HS6ST3: variants seen among roughly 807,000 people sequenced by gnomAD.
HS6ST3 encodes the protein heparan sulfate 6-O-sulfotransferase 3, also known as heparan-sulfate 6-O-sulfotransferase 3.
A neutral mutation model predicts 36.7 loss-of-function variants in HS6ST3; 12 were observed. That is an observed-to-expected ratio of 0.33 (90% CI 0.21 to 0.53). The LOEUF is 0.53. Ranked by LOEUF, HS6ST3 falls within the 20% of genes least tolerant of loss-of-function variation. The pLI, the probability that HS6ST3 is intolerant of heterozygous loss-of-function variation, is 0.95. For synonymous variants in HS6ST3, 240 were observed against 257.5 expected (o/e 0.93, Z 0.65); for missense variants, 584 against 640.9 (o/e 0.91, Z 0.96).
intron 1 of HS6ST3, among the ~76,000 whole-genome samples, chr13:96,290,884 C>T (rs1409875087): frequency 6.6e-6 from 1 of 152,184 alleles, no homozygotes; most frequent in Non-Finnish European, 1.5e-5. Context: ...CCACAACTGA[C>T]CTCTTCACTG....
intron 1 of HS6ST3, among the ~76,000 whole-genome samples, chr13:96,134,981 A>T (rs1268690127): frequency 6.6e-6 from 1 of 152,208 alleles, no homozygotes; most frequent in Admixed American, 6.5e-5. Context: ...TGTCTGACAC[A>T]GTCATTGGGA....
chr13:96,696,947 G>A (rs1875144804), intron 1 of HS6ST3, among the ~76,000 whole-genome samples: 1 of 151,944 alleles, frequency 6.6e-6, no homozygotes, highest in Non-Finnish European at 1.5e-5. Flanking sequence ...AAATATAAAT[G>A]GGCAATCAGA....
At chr13:96,829,040 T>C (rs909705589) in intron 1 of HS6ST3, among the ~76,000 whole-genome samples, 3 of 152,200 alleles carry the variant, frequency 2.0e-5, no homozygotes, top group African/African-American at 7.2e-5. Context: ...ATTTAGCTTC[T>C]CTACTGAGCT....
At chr13:96,559,109 TC>T (rs2056252232) in intron 1 of HS6ST3, among the ~76,000 whole-genome samples, 2 of 150,706 alleles carry the variant, frequency 1.3e-5, no homozygotes, top group African/African-American at 4.9e-5. Flanking sequence ...TATCTATCTA[TC>T]TATCTATCTA....
intron 1 of HS6ST3, among the ~76,000 whole-genome samples, chr13:96,755,136 T>G (rs1876792831): frequency 6.7e-6 from 1 of 149,928 alleles, no homozygotes; most frequent in Admixed American, 6.6e-5. Context: ...CCCCAGAAAG[T>G]TTTTTTTTGT....
chr13:96,303,606 A>G (rs1405509416), intron 1 of HS6ST3, among the ~76,000 whole-genome samples: 2 of 152,326 alleles, frequency 1.3e-5, no homozygotes, highest in Middle Eastern at 3.4e-3. Flanking sequence ...AACATTCTGG[A>G]CAAGGGTAGA....
intron 1 of HS6ST3, among the ~76,000 whole-genome samples, chr13:96,239,896 G>A (rs759821870): frequency 6.6e-6 from 1 of 152,034 alleles, no homozygotes; most frequent in Non-Finnish European, 1.5e-5. Context: ...AAGAGAGCTG[G>A]CTTTTTCCTT....
chr13:96,421,739 T>C (rs1192683512), intron 1 of HS6ST3, among the ~76,000 whole-genome samples: 4 of 152,224 alleles, frequency 2.6e-5, no homozygotes, highest in African/African-American at 9.6e-5. Flanking sequence ...CATGTTTCCA[T>C]AGTATTTTGA....
intron 1 of HS6ST3, among the ~76,000 whole-genome samples, chr13:96,258,335 T>C (rs2054647587): frequency 6.6e-6 from 1 of 152,126 alleles, no homozygotes; most frequent in Non-Finnish European, 1.5e-5. Context: ...GTCTAGTTTC[T>C]AGTTCTCATG....
intron 1 of HS6ST3, chr13:96,573,800 A>T: frequency 2.6e-6 from 1 of 377,584 alleles, no homozygotes; most frequent in Admixed American, 3.8e-5. Flanking sequence ...GCAGCAGCAG[A>T]TAGGAGAGTG....
At chr13:96,762,757 G>A (rs992801256) in intron 1 of HS6ST3, among the ~76,000 whole-genome samples, 1 of 152,102 alleles carries the variant, frequency 6.6e-6, no homozygotes, top group Non-Finnish European at 1.5e-5. Flanking sequence ...TTTATTTGAT[G>A]TTCAGCCTAT....
chr13:96,609,160 C>T (rs1473845059), intron 1 of HS6ST3, among the ~76,000 whole-genome samples: 2 of 151,786 alleles, frequency 1.3e-5, no homozygotes, highest in Non-Finnish European at 2.9e-5. Context: ...TTAGTGGAGA[C>T]GGGACTTCAC....
chr13:96,325,765 G>A (rs1431939301), intron 1 of HS6ST3, among the ~76,000 whole-genome samples: 1 of 152,062 alleles, frequency 6.6e-6, no homozygotes, highest in Non-Finnish European at 1.5e-5. Context: ...ATTCTTTGAG[G>A]GGACAAAATT....
chr13:96,800,693 G>A (rs536620871), intron 1 of HS6ST3, among the ~76,000 whole-genome samples: 22 of 151,650 alleles, frequency 1.5e-4, no homozygotes, highest in South Asian at 4.2e-4. Context: ...TGGTTATCTT[G>A]TTATAGTGAA....
chr13:96,245,777 A>C (rs2054582229), intron 1 of HS6ST3, among the ~76,000 whole-genome samples: 1 of 152,154 alleles, frequency 6.6e-6, no homozygotes, highest in Non-Finnish European at 1.5e-5. Flanking sequence ...TCTACTGCTC[A>C]TGCTAGGTTT....
At chr13:96,649,426 G>T (rs926030144) in intron 1 of HS6ST3, among the ~76,000 whole-genome samples, 3 of 152,040 alleles carry the variant, frequency 2.0e-5, no homozygotes, top group African/African-American at 4.8e-5. Context: ...GACACATGGG[G>T]TTTATGGGAA....
intron 1 of HS6ST3, among the ~76,000 whole-genome samples, chr13:96,491,750 C>A (rs1016088380): frequency 1.3e-5 from 2 of 152,210 alleles, no homozygotes; most frequent in African/African-American, 4.8e-5. Flanking sequence ...GTCTCTGTCA[C>A]ATGCTAAACC....
intron 1 of HS6ST3, among the ~76,000 whole-genome samples, chr13:96,203,665 A>G (rs2139352875): frequency 6.6e-6 from 1 of 152,316 alleles, no homozygotes; most frequent in Non-Finnish European, 1.5e-5. Context: ...CGTGGGAAGG[A>G]TGCTAGAAGC....
At chr13:96,114,996 C>T (rs1435610062) in intron 1 of HS6ST3, among the ~76,000 whole-genome samples, 1 of 152,036 alleles carries the variant, frequency 6.6e-6, no homozygotes, top group African/African-American at 2.4e-5. Flanking sequence ...ATAGTTAGTC[C>T]AAGTTTAGGT....
Sources: gnomAD v4.1 joint callset for allele counts (sites outside exome capture counted in the v4.1 genomes callset) on GRCh38, gnomAD v4.1.1 for gene constraint, MANE v1.5 for transcripts, NCBI Gene and HGNC (gene_info 2026-07-23, HGNC 2026-07-21) for gene names.